The following EBF1 variants were observed in gnomAD, a reference collection of about 807,000 sequenced individuals.
EBF1 encodes transcription factor COE1.
Under a neutral mutation model 68.4 loss-of-function variants are expected in EBF1, and 10 were observed. The observed-to-expected ratio is 0.15, with a 90% confidence interval of 0.09 to 0.25. EBF1 has a LOEUF of 0.25. Among genes scored for constraint, EBF1 ranks in the 10% least tolerant of loss-of-function variants. The pLI is 1.00. For synonymous variants in EBF1, 298 were observed against 299.8 expected (o/e 0.99, Z 0.06); for missense variants, 509 against 794.4 (o/e 0.64, Z 4.32).
At chr5:158,771,304 T>C (rs3095890) in intron 10 of EBF1, among the ~76,000 whole-genome samples, 21,834 of 152,178 alleles carry the variant, frequency 0.14, 1,909 homozygotes, top group Non-Finnish European at 0.19. Context: ...ACTCCTTAGA[T>C]GAAGGTACTA....
intron 6 of EBF1, among the ~76,000 whole-genome samples, chr5:158,961,853 G>C (rs1818239709): frequency 1.3e-5 from 2 of 152,188 alleles, no homozygotes; most frequent in Non-Finnish European, 2.9e-5. Context: ...GAGGGAAAGA[G>C]AGCGAATTTT....
At chr5:159,090,747 T>C (rs1040298474) in intron 4 of EBF1, among the ~76,000 whole-genome samples, 3 of 152,064 alleles carry the variant, frequency 2.0e-5, no homozygotes, top group African/African-American at 7.2e-5. Context: ...ATTTCACTCC[T>C]ATGGTAACTA....
chr5:158,884,458 T>G (rs1799602710), intron 6 of EBF1, among the ~76,000 whole-genome samples: 1 of 152,184 alleles, frequency 6.6e-6, no homozygotes, highest in Non-Finnish European at 1.5e-5. Context: ...AATAAGCATC[T>G]ATTTAGCACT....
At chr5:158,805,522 C>T (rs766269789) in intron 8 of EBF1, among the ~76,000 whole-genome samples, 2 of 152,014 alleles carry the variant, frequency 1.3e-5, no homozygotes, top group Admixed American at 6.6e-5. Flanking sequence ...AACATAGATG[C>T]GTGCAGATAA....
chr5:158,972,362 A>G (rs1453111074), intron 6 of EBF1, among the ~76,000 whole-genome samples: 1 of 152,242 alleles, frequency 6.6e-6, no homozygotes, highest in Non-Finnish European at 1.5e-5. Flanking sequence ...GGTTTCGTGG[A>G]AACTGAGTTT....
chr5:158,792,740 C>T (rs1778897648), intron 9 of EBF1, among the ~76,000 whole-genome samples: 2 of 152,184 alleles, frequency 1.3e-5, no homozygotes, highest in South Asian at 4.1e-4. Flanking sequence ...AGAGATGAGG[C>T]TAAACAGGTG....
chr5:159,066,355 G>A (rs1204647426), intron 6 of EBF1, among the ~76,000 whole-genome samples: 2 of 152,138 alleles, frequency 1.3e-5, no homozygotes, highest in Non-Finnish European at 1.5e-5. Context: ...GCTCAGTCAT[G>A]ACAAGTAGGG....
intron 7 of EBF1, among the ~76,000 whole-genome samples, chr5:158,837,871 G>A (rs1000988037): frequency 2.0e-5 from 3 of 152,124 alleles, no homozygotes; most frequent in Non-Finnish European, 4.4e-5. Flanking sequence ...GACATACACT[G>A]TTTCACGCCC....
intron 10 of EBF1, among the ~76,000 whole-genome samples, chr5:158,751,518 T>C (rs1768902501): frequency 6.6e-6 from 1 of 152,000 alleles, no homozygotes; most frequent in Non-Finnish European, 1.5e-5. Flanking sequence ...GTTATAGAAA[T>C]ACCAAAGTAC....
chr5:159,066,634 C>T (rs1348279614), intron 6 of EBF1, among the ~76,000 whole-genome samples: 1 of 81,196 alleles, frequency 1.2e-5, no homozygotes, highest in South Asian at 3.9e-4. Context: ...TGCACAGACA[C>T]ACACACACAC....
chr5:158,712,287 C>A lies in EBF1; in HGVS notation c.1416G>T (p.Pro472=), dbSNP rs776477204. 1 of 1,613,950 alleles carries A rather than the reference C, an allele frequency of 6.2e-7. No homozygotes were observed. Among genetic ancestry groups the A allele is most frequent in the Non-Finnish European group, 8.5e-7 (1 of 1,179,966 alleles). ...AGTTGGTCTGCTGGGGAGTGGTGCT[C>A]GGCACGTACCCGTGTGGTGATACGC... ...SSSVSPHGYV[P]STTPQQTNYN... The change falls in exon 14 of 16, where the codon CCG becomes CCT. Residue 472 remains proline (P), a synonymous_variant. Coordinates refer to ENST00000313708, the MANE Select transcript of EBF1 (RefSeq NM_024007.5).
At chr5:158,963,450 A>T (rs531815602) in intron 6 of EBF1, among the ~76,000 whole-genome samples, 1 of 152,340 alleles carries the variant, frequency 6.6e-6, no homozygotes, top group South Asian at 2.1e-4. Flanking sequence ...AGCTTAGAGA[A>T]TACTCCGAAG....
At chr5:159,072,477 T>G (rs572585746) in intron 6 of EBF1, among the ~76,000 whole-genome samples, 1 of 152,212 alleles carries the variant, frequency 6.6e-6, no homozygotes, top group Non-Finnish European at 1.5e-5. Flanking sequence ...AAAAGGGACT[T>G]GTGTTCAACC....
intron 6 of EBF1, among the ~76,000 whole-genome samples, chr5:158,842,769 T>C (rs1209102547): frequency 6.6e-6 from 1 of 152,218 alleles, no homozygotes; most frequent in Non-Finnish European, 1.5e-5. Context: ...AACAAATCTG[T>C]TTTCTCATAC....
chr5:158,821,093 C>T (rs1033236338), intron 8 of EBF1, among the ~76,000 whole-genome samples: 2 of 152,212 alleles, frequency 1.3e-5, no homozygotes, highest in Admixed American at 6.5e-5. Context: ...TCTTCTCAGC[C>T]TCCACCCAGC....
chr5:158,934,274 CT>C (rs1211254963), intron 6 of EBF1, among the ~76,000 whole-genome samples: 1 of 152,168 alleles, frequency 6.6e-6, no homozygotes, highest in Admixed American at 6.5e-5. Context: ...ATTCAACAAC[CT>C]CTGCAATGCC....
intron 6 of EBF1, among the ~76,000 whole-genome samples, chr5:158,928,017 T>C (rs1810046430): frequency 6.6e-6 from 1 of 152,222 alleles, no homozygotes; most frequent in Admixed American, 6.5e-5. Context: ...TTCTAAAAAG[T>C]TGCTTTAACC....
intron 7 of EBF1, among the ~76,000 whole-genome samples, chr5:158,832,975 G>A (rs1787916817): frequency 6.6e-6 from 1 of 152,114 alleles, no homozygotes; most frequent in African/African-American, 2.4e-5. Flanking sequence ...AGATAAACAT[G>A]AGGTAAACAT....
At chr5:158,964,013 C>T (rs983727859) in intron 6 of EBF1, among the ~76,000 whole-genome samples, 6 of 152,126 alleles carry the variant, frequency 3.9e-5, no homozygotes, top group African/African-American at 1.4e-4. Flanking sequence ...AAAGAGTGCA[C>T]ACTTGTACCC....
Sources: allele counts gnomAD v4.1 joint callset (sites outside exome capture counted in the v4.1 genomes callset), GRCh38; gene constraint gnomAD v4.1.1; transcripts MANE v1.5; gene names NCBI Gene and HGNC (gene_info 2026-07-23, HGNC 2026-07-21).